PTPN6: variants seen among roughly 807,000 people sequenced by gnomAD.
PTPN6 encodes the protein tyrosine-protein phosphatase non-receptor type 6.
A neutral mutation model predicts 81.5 loss-of-function variants in PTPN6; 18 were observed. That is an observed-to-expected ratio of 0.22 (90% CI 0.15 to 0.33). The LOEUF (loss-of-function observed/expected upper bound fraction) is 0.33. PTPN6 is among the 10% of genes least tolerant of loss of function. The probability of loss-of-function intolerance (pLI) is 1.00; values close to 1 mark genes in which losing one functional copy is unlikely to be tolerated. For synonymous variants in PTPN6, 301 were observed against 310.9 expected (o/e 0.97, Z 0.33); for missense variants, 500 against 794.2 (o/e 0.63, Z 4.45).
At position 6,952,290 on chromosome 12, in the gene PTPN6, C is replaced by T; in HGVS notation, c.326+113C>T. On this transcript the variant is annotated intron_variant, in intron 3 of 15. Coordinates refer to ENST00000318974, the MANE Select transcript of PTPN6 (RefSeq NM_002831.6). This position sits in a 1 kb window ranked among gnomAD's most constrained non-coding sequence, Gnocchi z 8.1. ...GGCGCTGCCTACCCTCCATCCCCTC[C>T]CCTCCCTGCACCAGCTGGGGCTCTC... The T allele has an allele frequency of 7.6e-7, 1 of 1,309,024 alleles. No homozygotes were observed. The highest frequency in any genetic ancestry group is 1.1e-6 in the Non-Finnish European group (1 of 918,276). The allele number at this position is 1,309,024 out of a possible 1,614,324, so 81.1% of individuals were successfully genotyped here. A position where few individuals can be genotyped will look rare whatever the true frequency, so the allele number is the denominator to read the frequency against.
Position 6,952,205 on chromosome 12 carries a change from C to G in PTPN6, c.326+28C>G, listed in dbSNP as rs782339420. 6.2e-7 allele frequency: 1 copy of G among 1,612,248 alleles called. No individual in the cohort carries two copies. The highest frequency in any genetic ancestry group is 2.2e-5 in the East Asian group (1 of 44,892). The stretch of plus-strand genomic sequence containing the variant: ...GAGGGCTCCGCACCCCCGCCATTCC[C>G]AAGCAGGGATGAGCCGGCTCCCACC... On this transcript the variant is annotated intron_variant, in intron 3 of 15. Coordinates refer to ENST00000318974, the MANE Select transcript of PTPN6 (RefSeq NM_002831.6). The surrounding 1 kb of genome is among the most constrained non-coding windows in gnomAD (Gnocchi z 8.1).
intron 11 of PTPN6, 94 bp downstream of exon 11, chr12:6,958,167 G>T (rs1400209151): frequency 1.3e-6 from 2 of 1,515,100 alleles, no homozygotes; most frequent in East Asian, 4.7e-5. Flanking sequence ...ACGTTAGCTC[G>T]CACATTGAGT....
upstream of PTPN6, chr12:6,951,316 G>T (rs947021426): frequency 2.0e-6 from 3 of 1,496,428 alleles, no homozygotes; most frequent in Admixed American, 6.6e-5. This position sits in a 1 kb window ranked among gnomAD's most constrained non-coding sequence, Gnocchi z 7.2. Context: ...GGGGTCGGCC[G>T]CGCCTCTTCC....
chr12:6,960,409 T>A lies in PTPN6; in HGVS notation c.1647T>A (p.His549Gln). The A allele has an allele frequency of 6.2e-7, 1 of 1,613,872 alleles. No homozygotes were observed. Among genetic ancestry groups the A allele is most frequent in the Non-Finnish European group, 8.5e-7 (1 of 1,180,006 alleles). ...ITYPPAMKNA[H>Q]AKASRTSSKH... is the part of the protein sequence containing the mutation. Reference sequence around the variant, plus strand: ...ATCCCCCAGCCATGAAGAATGCCCATGCCAAGGCCTCCCGCACCTCGTCCA... The same window carrying A: ...ATCCCCCAGCCATGAAGAATGCCCAAGCCAAGGCCTCCCGCACCTCGTCCA... The change falls in exon 14 of 16, where the codon CAT (histidine) becomes CAA (glutamine). Residue 549 changes from histidine (H) to glutamine (Q), a missense_variant. His to Gln is a conservative substitution (Grantham distance 24). Around this residue, in one of 6 missense-constraint regions of PTPN6, gnomAD observed 56 missense variants for 56.4 expected, o/e 0.99. Coordinates refer to ENST00000318974, the MANE Select transcript of PTPN6 (RefSeq NM_002831.6). This position sits in a 1 kb window ranked among gnomAD's most constrained non-coding sequence, Gnocchi z 6.1.
Position 6,956,138 on chromosome 12 carries a change from C to T in PTPN6, c.845-4C>T, listed in dbSNP as rs1555148618. The stretch of plus-strand genomic sequence containing the variant: ...CATCTCGCCTCCTCTCCGCCCACTC[C>T]CAGTTGACCACAGCCGAGTGATCCT... On this transcript the variant is annotated splice_polypyrimidine_tract_variant and splice_region_variant and intron_variant, in intron 7 of 15. Transcript: ENST00000318974. The surrounding 1 kb of genome is among the most constrained non-coding windows in gnomAD (Gnocchi z 4.1). The T allele has an allele frequency of 1.2e-6, 2 of 1,614,172 alleles. No homozygotes were observed.
Position 6,956,021 on chromosome 12 carries a change from C to G in PTPN6, c.845-121C>G, listed in dbSNP as rs192229701. 7.9e-6 allele frequency: 8 copies of G among 1,014,986 alleles called. No homozygotes were observed. The highest frequency in any genetic ancestry group is 1.2e-5 in the Non-Finnish European group (8 of 654,464). The allele number at this position is 1,014,986 out of a possible 1,614,324, so 62.9% of individuals were successfully genotyped here. On this transcript the variant is annotated intron_variant, in intron 7 of 15. Transcript: ENST00000318974. The surrounding 1 kb of genome is among the most constrained non-coding windows in gnomAD (Gnocchi z 4.1). ...ATCCCCCACCCCTGCTGCCCACAGT[C>G]CCCCGCAAGCCTCATGGCTTCTGAG...
chr12:6,947,392 G>A (rs180791908), upstream of PTPN6, among the ~76,000 whole-genome samples: 3 of 152,318 alleles, frequency 2.0e-5, no homozygotes, highest in Admixed American at 6.5e-5. Flanking sequence ...AGCCTTGGCC[G>A]GGTGTAGTGG....
In PTPN6 at chr12:6,959,574, G is replaced by A; in HGVS notation, c.1362-353G>A. 1 of 485,040 alleles carries A rather than the reference G, an allele frequency of 2.1e-6. No individual in the cohort carries two copies. Among genetic ancestry groups the A allele is most frequent in the Non-Finnish European group, 3.8e-6 (1 of 265,810 alleles). The allele number at this position is 485,040 out of a possible 1,614,324, so 30.0% of individuals were successfully genotyped here. A position where few individuals can be genotyped will look rare whatever the true frequency, so the allele number is the denominator to read the frequency against. On this transcript the variant is annotated intron_variant, in intron 11 of 15. Transcript: ENST00000318974. This position sits in a 1 kb window ranked among gnomAD's most constrained non-coding sequence, Gnocchi z 6.6. ...ACTCCTTCAGGGAGAGGCGGGGAGG[G>A]CTCAGGGTACCTGGGAGCCGGCAGG...
chr12:6,960,963 G>C lies in PTPN6; in HGVS notation c.*25+18G>C. 6.4e-7 allele frequency: 1 copy of C among 1,553,254 alleles called. No individual in the cohort carries two copies. Among genetic ancestry groups the C allele is most frequent in the Non-Finnish European group, 8.7e-7 (1 of 1,148,548 alleles). ...TGGCCATGGTACAGCTCTTCTGCCT[G>C]GGTGTCCTCCCTGCCCTGCCCTGTG... is the stretch of plus-strand genomic sequence containing the variant. On this transcript the variant is annotated intron_variant, in intron 15 of 15. Coordinates refer to ENST00000318974, the MANE Select transcript of PTPN6 (RefSeq NM_002831.6). The surrounding 1 kb of genome is among the most constrained non-coding windows in gnomAD (Gnocchi z 6.1).
rs2138283647 is a variant in PTPN6 at position 6,959,989 on chromosome 12, C to T, written c.1424C>T (p.Thr475Ile). The change falls in exon 12 of 16, where the codon ACC becomes ATC. Residue 475 changes from threonine (T) to isoleucine (I), a missense_variant. By Grantham distance (89) the Thr-to-Ile change is moderately conservative. This residue lies in a region of PTPN6 where 226 missense variants were observed against 364.4 expected (regional missense o/e 0.62). Transcript: ENST00000318974. The surrounding 1 kb of genome is among the most constrained non-coding windows in gnomAD (Gnocchi z 6.6). ...GACATGCTCATGGAGAACATCTCCA[C>T]CAAGGGTGAGGGGCACCTGGGGGTT... The part of the protein sequence containing the change: ...VIDMLMENIS[T>I]KGLDCDIDIQ... 1 of 1,610,146 alleles carries T rather than the reference C, an allele frequency of 6.2e-7. No homozygotes were observed. The highest frequency in any genetic ancestry group is 8.5e-7 in the Non-Finnish European group (1 of 1,179,140).
At position 6,951,635 on chromosome 12, in the gene PTPN6, T is replaced by G. The variant is rs1555147756; in HGVS notation, c.35T>G (p.Leu12Arg). 1.9e-6 allele frequency: 3 copies of G among 1,613,316 alleles called. No homozygotes were observed. The East Asian group carries it at 6.7e-5, about 36-fold the overall frequency. Residue 12 changes from leucine (L) to arginine (R), a missense_variant, in exon 2 of 16, where the codon CTG (leucine) becomes CGG (arginine). Around this residue, in one of 6 missense-constraint regions of PTPN6, gnomAD observed 98 missense variants for 199.2 expected, o/e 0.49. Transcript: ENST00000318974. The surrounding 1 kb of genome is among the most constrained non-coding windows in gnomAD (Gnocchi z 7.2). The stretch of plus-strand genomic sequence containing the variant: ...TGGTTTCACCGAGACCTCAGTGGGC[T>G]GGATGCAGAGACCCTGCTCAAGGGC... ...VRWFHRDLSG[L>R]DAETLLKGRG...
rs782214162 is a variant in PTPN6, at chr12:6,954,591, C to T, written c.327-214C>T. On this transcript the variant is annotated intron_variant, in intron 3 of 15. Transcript: ENST00000318974. This position sits in a 1 kb window ranked among gnomAD's most constrained non-coding sequence, Gnocchi z 5.4. ...CCTAGGCCAGTGAGTAACAGCTCAG[C>T]GTCAGTTTCCTCATCTATAAAATGG... Among the ~76,000 whole-genome samples, 5 of 152,284 alleles carry T rather than the reference C, an allele frequency of 3.3e-5. No homozygotes were observed. The highest frequency in any genetic ancestry group is 4.8e-5 in the African/African-American group (2 of 41,536).
At chr12:6,948,153 G>A (rs1363130576), upstream of PTPN6, among the ~76,000 whole-genome samples, 3 of 152,008 alleles carry the variant, frequency 2.0e-5, no homozygotes, top group South Asian at 4.1e-4. Flanking sequence ...GATGGCCCAA[G>A]CATGTGGTAG....
In PTPN6 at chr12:6,960,842, G is replaced by A. The variant is rs1555149824; in HGVS notation, c.1710G>A (p.Lys570=). ...ATGTGTATGAGAACCTGCACACTAA[G>A]AACAAGAGGGAGGAGAAAGTGAAGA... ...KEDVYENLHT[K]NKREEKVKKQ... The change falls in exon 15 of 16, where the codon AAG becomes AAA. Residue 570 remains lysine (K), a synonymous_variant. Transcript: ENST00000318974. This position sits in a 1 kb window ranked among gnomAD's most constrained non-coding sequence, Gnocchi z 6.1. 1.3e-6 allele frequency: 2 copies of A among 1,577,708 alleles called. No individual in the cohort carries two copies. The highest frequency in any genetic ancestry group is 1.2e-5 in the South Asian group (1 of 86,160).
At position 6,960,529 on chromosome 12, in the gene PTPN6, G is replaced by T; in HGVS notation, c.1673+94G>T. ...TGGAGAGGACAAGTGTTGCAGCTGG[G>T]GGGACCTGGCTTCAAGTTCAGGCTT... On this transcript the variant is annotated intron_variant, in intron 14 of 15. Coordinates refer to ENST00000318974, the MANE Select transcript of PTPN6 (RefSeq NM_002831.6). This position sits in a 1 kb window ranked among gnomAD's most constrained non-coding sequence, Gnocchi z 6.1. 6.8e-7 allele frequency: 1 copy of T among 1,466,978 alleles called. No individual in the cohort carries two copies. The allele number at this position is 1,466,978 out of a possible 1,614,324, so 90.9% of individuals were successfully genotyped here. A position where few individuals can be genotyped will look rare whatever the true frequency, so the allele number is the denominator to read the frequency against.
intron 11 of PTPN6, among the ~76,000 whole-genome samples, chr12:6,958,945 G>T (rs942488170): frequency 4.9e-4 from 74 of 152,302 alleles, no homozygotes; most frequent in African/African-American, 1.6e-3. Flanking sequence ...AAAACTGGGC[G>T]CTGTTACTAG....
Position 6,954,657 on chromosome 12 carries a change from C to A in PTPN6, c.327-148C>A. ...TAGCTCTCAGCATGTTTGTGAGAGA[C>A]CTAAATGAGGTGGTGGATTTGGAAG... On this transcript the variant is annotated intron_variant, in intron 3 of 15. Coordinates refer to ENST00000318974, the MANE Select transcript of PTPN6 (RefSeq NM_002831.6). The surrounding 1 kb of genome is among the most constrained non-coding windows in gnomAD (Gnocchi z 5.4). 1.3e-6 allele frequency: 1 copy of A among 745,142 alleles called. No individual in the cohort carries two copies. The highest frequency in any genetic ancestry group is 2.2e-6 in the Non-Finnish European group (1 of 449,034). The allele number at this position is 745,142 out of a possible 1,614,324, so 46.2% of individuals were successfully genotyped here. A position where few individuals can be genotyped will look rare whatever the true frequency, so the allele number is the denominator to read the frequency against.
rs1946104248 is a variant in PTPN6, at chr12:6,960,141, C to T, written c.1483C>T (p.Arg495Cys). 1 of 1,613,718 alleles carries T rather than the reference C, an allele frequency of 6.2e-7. No homozygotes were observed. Among genetic ancestry groups the T allele is most frequent in the Non-Finnish European group, 8.5e-7 (1 of 1,180,016 alleles). The stretch of plus-strand genomic sequence containing the variant: ...GACCATCCAGATGGTGCGGGCGCAG[C>T]GCTCGGGCATGGTGCAGACGGAGGC... Reference protein sequence around the residue: ...QKTIQMVRAQRSGMVQTEAQY... With the variant: ...QKTIQMVRAQCSGMVQTEAQY... The change falls in exon 13 of 16, where the codon CGC (arginine) becomes TGC (cysteine). Residue 495 changes from arginine to cysteine, a missense_variant. By Grantham distance (180) the Arg-to-Cys change is radical (BLOSUM62 -3). Coordinates refer to ENST00000318974, the MANE Select transcript of PTPN6 (RefSeq NM_002831.6). The surrounding 1 kb of genome is among the most constrained non-coding windows in gnomAD (Gnocchi z 6.1).
At position 6,952,314 on chromosome 12, in the gene PTPN6, T is replaced by A; in HGVS notation, c.326+137T>A. 1.0e-6 allele frequency: 1 copy of A among 963,570 alleles called. No homozygotes were observed. The highest frequency in any genetic ancestry group is 1.6e-6 in the Non-Finnish European group (1 of 626,332). 59.7% of individuals were successfully genotyped at this position (963,570 alleles called of 1,614,324 possible). On this transcript the variant is annotated intron_variant, in intron 3 of 15. Transcript: ENST00000318974. The surrounding 1 kb of genome is among the most constrained non-coding windows in gnomAD (Gnocchi z 8.1). The stretch of plus-strand genomic sequence containing the variant: ...CCCCTCCCTGCACCAGCTGGGGCTC[T>A]CAATGTCCCTCCTCCCTGCTGTCCT...
Sources: allele counts gnomAD v4.1 joint callset (sites outside exome capture counted in the v4.1 genomes callset), GRCh38; gene constraint gnomAD v4.1.1; regional missense constraint gnomAD v4.1.1; non-coding constraint Gnocchi (gnomAD v3.1); transcripts MANE v1.5; gene names NCBI Gene and HGNC (gene_info 2026-07-23, HGNC 2026-07-21).